Variants in NR6A1 observed in about 807,000 individuals in gnomAD.
NR6A1 encodes the protein nuclear receptor subfamily 6 group A member 1.
A neutral mutation model predicts 59.1 loss-of-function variants in NR6A1; 7 were observed. The ratio of observed to expected loss-of-function variants is 0.12; its 90% CI spans 0.07 to 0.22. NR6A1 has a LOEUF of 0.22. Ranked by LOEUF, NR6A1 falls within the 10% of genes least tolerant of loss-of-function variation. The probability of loss-of-function intolerance (pLI) is 1.00; values close to 1 mark genes in which losing one functional copy is unlikely to be tolerated. For missense variants in NR6A1, 468 were observed against 611.6 expected, an observed-to-expected ratio of 0.77 and a Z score of 2.48; for synonymous variants, 243 against 236.1, an observed-to-expected ratio of 1.03 and a Z score of -0.27.
chr9:124,705,781 CCT>C (rs1491154170), intron 2 of NR6A1, among the ~76,000 whole-genome samples: 1 of 128,758 alleles, frequency 7.8e-6, no homozygotes, highest in East Asian at 2.1e-4. Context: ...TTCAATCCCC[CCT>C]TTTTTTTTTT....
intron 2 of NR6A1, among the ~76,000 whole-genome samples, chr9:124,580,342 T>C (rs185393034): frequency 4.0e-4 from 61 of 152,192 alleles, no homozygotes; most frequent in African/African-American, 1.4e-3. Flanking sequence ...ATTACAGTAA[T>C]AGGGAACAGG....
At chr9:124,670,786 A>AT (rs1398704840) in intron 2 of NR6A1, among the ~76,000 whole-genome samples, 1 of 152,214 alleles carries the variant, frequency 6.6e-6, no homozygotes, top group Non-Finnish European at 1.5e-5. Flanking sequence ...TTATCTAAAG[A>AT]TTGTCAGGGT....
chr9:124,713,394 T>C lies in NR6A1; in HGVS notation c.142+19914A>G, dbSNP rs550576909. 4.0e-5 allele frequency among the ~76,000 whole-genome samples: 6 copies of C among 151,722 alleles called. No homozygotes were observed. The East Asian group carries it at 9.7e-4, about 24-fold the overall frequency. On this transcript the variant is annotated intron_variant, in intron 2 of 9. Coordinates refer to ENST00000487099, the MANE Select transcript of NR6A1 (RefSeq NM_033334.4). ...AAGCATAGGCAACAAAAGAAAAAAC[T>C]GCTCGATAACATGAAAATGTAAAAC...
rs137951684 is a variant in NR6A1, at chr9:124,703,132, T to G, written c.142+30176A>C. Among the ~76,000 whole-genome samples the G allele has an allele frequency of 7.0e-3, 1,067 of 151,954 alleles. 14 individuals are homozygous for G. Among genetic ancestry groups the G allele is most frequent in the African/African-American group, 0.025 (1,034 of 41,410 alleles). On this transcript the variant is annotated intron_variant, in intron 2 of 9. Coordinates refer to ENST00000487099, the MANE Select transcript of NR6A1 (RefSeq NM_033334.4). ...GTTGGTCAAGCTGGTCTCGAACTCC[T>G]GACCTCAACTGATCTGCCCACCTCA...
chr9:124,657,068 C>T (rs1209690688), intron 2 of NR6A1, among the ~76,000 whole-genome samples: 1 of 152,066 alleles, frequency 6.6e-6, no homozygotes, highest in East Asian at 1.9e-4. Context: ...TTTTATGTTA[C>T]ATATACCTTA....
chr9:124,754,545 G>A (rs1459915100), intron 1 of NR6A1, among the ~76,000 whole-genome samples: 2 of 152,094 alleles, frequency 1.3e-5, no homozygotes, highest in African/African-American at 4.8e-5. Context: ...TCCTTGTCTG[G>A]GCTGCAGGGC....
chr9:124,764,139 G>A (rs894451674), intron 1 of NR6A1, among the ~76,000 whole-genome samples: 3 of 150,576 alleles, frequency 2.0e-5, no homozygotes, highest in South Asian at 2.1e-4. Context: ...AGCAGAGATC[G>A]CACCGCTGCA....
intron 7 of NR6A1, 22 bp downstream of exon 7, chr9:124,535,856 C>T: frequency 6.2e-7 from 1 of 1,612,580 alleles, no homozygotes; most frequent in East Asian, 2.2e-5. Flanking sequence ...TTGGTATTTC[C>T]TCCCCAGCCA....
At position 124,685,449 on chromosome 9, in the gene NR6A1, C is replaced by A. The variant is rs551817431; in HGVS notation, c.142+47859G>T. Reference sequence around the variant, plus strand: ...CTCAAGCCAATATTGCCACCTCAGCCTCCTATGTAGCTAGAACTACTGGCA... The same window carrying A: ...CTCAAGCCAATATTGCCACCTCAGCATCCTATGTAGCTAGAACTACTGGCA... On this transcript the variant is annotated intron_variant, in intron 2 of 9. Coordinates refer to ENST00000487099, the MANE Select transcript of NR6A1 (RefSeq NM_033334.4). Among the ~76,000 whole-genome samples, 18 of 152,322 alleles carry A rather than the reference C, an allele frequency of 1.2e-4. No homozygotes were observed. The East Asian group carries it at 3.3e-3, about 28-fold the overall frequency.
chr9:124,571,137 A>G (rs1390644424), intron 2 of NR6A1, among the ~76,000 whole-genome samples: 2 of 152,220 alleles, frequency 1.3e-5, no homozygotes, highest in African/African-American at 2.4e-5. Context: ...GATTATCTAG[A>G]AGAGGTATCA....
intron 1 of NR6A1, among the ~76,000 whole-genome samples, chr9:124,749,262 C>CAAAA (rs775689576): frequency 1.1e-5 from 1 of 94,804 alleles, no homozygotes; most frequent in Non-Finnish European, 2.3e-5. Flanking sequence ...AACTCCATTT[C>CAAAA]AAAAAAAAAA....
chr9:124,669,431 A>G (rs1299813424), intron 2 of NR6A1, among the ~76,000 whole-genome samples: 1 of 152,228 alleles, frequency 6.6e-6, no homozygotes, highest in Non-Finnish European at 1.5e-5. Context: ...AAGAGACTCA[A>G]AGTTGTCAGA....
chr9:124,633,929 T>C (rs557225665), intron 2 of NR6A1, among the ~76,000 whole-genome samples: 7 of 152,346 alleles, frequency 4.6e-5, no homozygotes, highest in South Asian at 4.1e-4. Flanking sequence ...TTAAGAATAT[T>C]TGTTTTCACA....
intron 2 of NR6A1, among the ~76,000 whole-genome samples, chr9:124,586,813 G>A (rs1834951239): frequency 6.6e-6 from 1 of 152,190 alleles, no homozygotes; most frequent in African/African-American, 2.4e-5. Context: ...AGGTTTCTTT[G>A]TAGATGGAAT....
intron 1 of NR6A1, among the ~76,000 whole-genome samples, chr9:124,759,994 C>T (rs1420025858): frequency 4.0e-5 from 6 of 150,982 alleles, no homozygotes; most frequent in African/African-American, 1.2e-4. Flanking sequence ...GAGCCAAGAT[C>T]GCACCACTGC....
At chr9:124,596,558 A>G (rs971685265) in intron 2 of NR6A1, among the ~76,000 whole-genome samples, 7 of 152,198 alleles carry the variant, frequency 4.6e-5, no homozygotes, top group African/African-American at 1.4e-4. Flanking sequence ...TTACAAAGCA[A>G]AAGTTACTAA....
chr9:124,762,111 T>G (rs997792712), intron 1 of NR6A1, among the ~76,000 whole-genome samples: 1 of 152,166 alleles, frequency 6.6e-6, no homozygotes, highest in African/African-American at 2.4e-5. Context: ...TTTCGTTAGT[T>G]CATTTAGACC....
chr9:124,520,992 A>C lies in NR6A1; in HGVS notation c.*1713T>G, dbSNP rs546070239. On this transcript the variant is annotated 3_prime_UTR_variant, in exon 10 of 10. Coordinates refer to ENST00000487099, the MANE Select transcript of NR6A1 (RefSeq NM_033334.4). ...AAGAAACAATTACAATCAGACATGG[A>C]CTACCCAGTATGCACACGACGTGGT... is the stretch of plus-strand genomic sequence containing the variant. 6.6e-6 allele frequency: 1 copy of C among 152,318 alleles called. No homozygotes were observed. Among genetic ancestry groups the C allele is most frequent in the East Asian group, 1.9e-4 (1 of 5,182 alleles). 9.4% of individuals were successfully genotyped at this position (152,318 alleles called of 1,614,324 possible).
intron 3 of NR6A1, among the ~76,000 whole-genome samples, chr9:124,551,984 CA>C (rs1588660108): frequency 6.6e-6 from 1 of 152,356 alleles, no homozygotes; most frequent in East Asian, 1.9e-4. Flanking sequence ...GCTCTGCATG[CA>C]AACAGTCCTA....
Sources: gnomAD v4.1 joint callset for allele counts (sites outside exome capture counted in the v4.1 genomes callset) on GRCh38, gnomAD v4.1.1 for gene constraint, MANE v1.5 for transcripts, NCBI Gene and HGNC (gene_info 2026-07-23, HGNC 2026-07-21) for gene names.